The following CLDN16 variants were observed in gnomAD, a reference collection of about 807,000 sequenced individuals.
CLDN16 encodes claudin 16, also known as claudin-16.
A neutral mutation model predicts 24.6 loss-of-function variants in CLDN16; 13 were observed. The observed-to-expected ratio is 0.53, with a 90% CI of 0.34 to 0.84. The LOEUF is 0.84. CLDN16 is among the 40% of genes least tolerant of loss of function. The probability of loss-of-function intolerance (pLI) is 0.01; values close to 1 mark genes in which losing one functional copy is unlikely to be tolerated. For synonymous variants in CLDN16, 116 were observed against 106.7 expected (o/e 1.09, Z -0.54); for missense variants, 298 against 292.7 (o/e 1.02, Z -0.13).
At chr3:190,351,294 T>C (rs1157408515) in intron 1 of CLDN16, among the ~76,000 whole-genome samples, 1 of 152,158 alleles carries the variant, frequency 6.6e-6, no homozygotes, top group African/African-American at 2.4e-5. Context: ...TAGTCTCCGG[T>C]GTTCCTTTAC....
At chr3:190,299,522 G>T in the CLDN16 span, among the ~76,000 whole-genome samples, 1 of 148,222 alleles carries the variant, frequency 6.7e-6, no homozygotes, top group Non-Finnish European at 1.5e-5. Flanking sequence ...TTTATGGTAA[G>T]AAATTTATTC....
intron 3 of CLDN16, among the ~76,000 whole-genome samples, chr3:190,405,608 A>G (rs1013303132): frequency 6.6e-6 from 1 of 151,922 alleles, no homozygotes; most frequent in Non-Finnish European, 1.5e-5. Context: ...ACCACCACCA[A>G]CTCCACCAAT....
upstream of CLDN16, among the ~76,000 whole-genome samples, chr3:190,319,987 T>C (rs75378593): frequency 6.5e-3 from 990 of 152,266 alleles, 13 homozygotes; most frequent in Non-Finnish European, 5.9e-3. Flanking sequence ...AAGCCACACC[T>C]TGGATAAACT....
intron 1 of CLDN16, among the ~76,000 whole-genome samples, chr3:190,343,774 A>T (rs1051369643): frequency 1.3e-5 from 2 of 152,118 alleles, no homozygotes; most frequent in Non-Finnish European, 2.9e-5. Context: ...TCAAATCAAT[A>T]AAAAGAGATA....
intron 1 of CLDN16, among the ~76,000 whole-genome samples, chr3:190,400,332 T>G (rs904834443): frequency 6.6e-6 from 1 of 152,046 alleles, no homozygotes; most frequent in Non-Finnish European, 1.5e-5. Context: ...TCCGACTCAG[T>G]GGTTCAAGCG....
intron 3 of CLDN16, among the ~76,000 whole-genome samples, chr3:190,377,494 CT>C (rs778978100): frequency 5.3e-5 from 8 of 151,824 alleles, no homozygotes; most frequent in Non-Finnish European, 8.8e-5. Flanking sequence ...AGCTTTGTCC[CT>C]GGTAAAACAA....
At chr3:190,324,602 C>A (rs1035790390) in intron 1 of CLDN16, among the ~76,000 whole-genome samples, 1 of 152,136 alleles carries the variant, frequency 6.6e-6, no homozygotes, top group Admixed American at 6.5e-5. Context: ...CTACAATTAG[C>A]GGGGAATCGG....
chr3:190,308,292 C>A, the CLDN16 span: 1 of 1,613,780 alleles, frequency 6.2e-7, no homozygotes, highest in Non-Finnish European at 8.5e-7. Context: ...CGTAGTCTTT[C>A]CCGCTGGAAG....
At chr3:190,383,967 A>G (rs1193624574), upstream of CLDN16, among the ~76,000 whole-genome samples, 9 of 152,186 alleles carry the variant, frequency 5.9e-5, no homozygotes. Context: ...CAGCCATTTT[A>G]TGGGACAAAA....
intron 3 of CLDN16, among the ~76,000 whole-genome samples, chr3:190,380,734 G>A (rs558825170): frequency 1.3e-3 from 202 of 152,090 alleles, no homozygotes; most frequent in African/African-American, 4.7e-3. Context: ...CTGAGATCGC[G>A]CCATTGCACT....
At chr3:190,376,562 G>T (rs542221627) in intron 3 of CLDN16, among the ~76,000 whole-genome samples, 10 of 151,970 alleles carry the variant, frequency 6.6e-5, no homozygotes, top group African/African-American at 2.4e-4. Context: ...GTCTGAAAAA[G>T]TTACGGGAAT....
the CLDN16 span, among the ~76,000 whole-genome samples, chr3:190,309,442 T>C: frequency 6.6e-6 from 1 of 152,310 alleles, no homozygotes; most frequent in Admixed American, 6.5e-5. Context: ...CTGAGGTTTT[T>C]CATCCATTCA....
chr3:190,303,807 CAAGAAAGAAGATCATTTGCCA>C, the CLDN16 span, among the ~76,000 whole-genome samples: 1 of 152,060 alleles, frequency 6.6e-6, no homozygotes, highest in Admixed American at 6.5e-5. Flanking sequence ...TAGAGAAAGG[CAAGAAAGAAGATCATTTGCCA>C]AAGAAACATG....
intron 1 of CLDN16, among the ~76,000 whole-genome samples, chr3:190,334,676 A>T (rs1217632443): frequency 6.6e-6 from 1 of 152,266 alleles, no homozygotes; most frequent in African/African-American, 2.4e-5. Flanking sequence ...TGTTGTTGGT[A>T]ACCACCACGT....
At chr3:190,406,732 T>C (rs900810279) in intron 3 of CLDN16, among the ~76,000 whole-genome samples, 1 of 149,258 alleles carries the variant, frequency 6.7e-6, no homozygotes, top group African/African-American at 2.5e-5. Context: ...ATGTGTTTAT[T>C]ATCTGGCTTT....
intron 1 of CLDN16, among the ~76,000 whole-genome samples, chr3:190,329,125 T>TG (rs920258225): frequency 3.9e-5 from 6 of 152,064 alleles, no homozygotes; most frequent in African/African-American, 1.2e-4. Context: ...TGTTATTTTT[T>TG]GGGGGGGAGG....
chr3:190,370,510 C>T (rs1718115893), intron 1 of CLDN16, among the ~76,000 whole-genome samples: 1 of 151,882 alleles, frequency 6.6e-6, no homozygotes, highest in African/African-American at 2.4e-5. Flanking sequence ...CTAAATGTGG[C>T]CATGCTTGTT....
At chr3:190,378,349 G>A (rs1457000370) in intron 3 of CLDN16, among the ~76,000 whole-genome samples, 1 of 151,736 alleles carries the variant, frequency 6.6e-6, no homozygotes, top group Admixed American at 6.6e-5. Flanking sequence ...TCTAAAGGAG[G>A]GTAAAACTCA....
At chr3:190,356,037 A>G (rs1169842647) in intron 1 of CLDN16, among the ~76,000 whole-genome samples, 1 of 151,664 alleles carries the variant, frequency 6.6e-6, no homozygotes, top group Admixed American at 6.6e-5. Context: ...GTTCAGATTT[A>G]GTGACTCTTA....
Sources: gnomAD v4.1 joint callset for allele counts (sites outside exome capture counted in the v4.1 genomes callset) on GRCh38, gnomAD v4.1.1 for gene constraint, MANE v1.5 for transcripts, NCBI Gene and HGNC (gene_info 2026-07-23, HGNC 2026-07-21) for gene names.